SPRED1: variants seen among roughly 807,000 people sequenced by gnomAD.
SPRED1 encodes the protein sprouty related EVH1 domain containing 1.
Under a neutral mutation model 52.3 loss-of-function variants are expected in SPRED1, and 18 were observed. That is an observed-to-expected ratio of 0.34 (90% CI 0.24 to 0.51). The LOEUF is 0.51. SPRED1 is among the 20% of genes least tolerant of loss of function. The probability of loss-of-function intolerance (pLI) is 0.97; values close to 1 mark genes in which losing one functional copy is unlikely to be tolerated. For synonymous variants in SPRED1, 155 were observed against 179.7 expected (o/e 0.86, Z 1.10); for missense variants, 485 against 551.0 (o/e 0.88, Z 1.20).
chr15:38,333,877 T>C (rs1269105552), intron 4 of SPRED1, among the ~76,000 whole-genome samples: 1 of 152,098 alleles, frequency 6.6e-6, no homozygotes, highest in Non-Finnish European at 1.5e-5. Flanking sequence ...GATTAATAAA[T>C]TGTAGTGTTC....
At position 38,293,099 on chromosome 15, in the gene SPRED1, CTTT is replaced by C. The variant is rs66511254; in HGVS notation, c.33-6257_33-6255del. 3.3e-4 allele frequency among the ~76,000 whole-genome samples: 30 copies of C among 90,734 alleles called. 2 individuals carry two copies. Among genetic ancestry groups the C allele is most frequent in the Non-Finnish European group, 3.4e-4 (17 of 50,278 alleles). 59.5% of individuals were successfully genotyped at this position (90,734 alleles called of 152,430 possible). A position where few individuals can be genotyped will look rare whatever the true frequency, so the allele number is the denominator to read the frequency against. Reference sequence around the variant, plus strand: ...TTAAGTAATTTACCCAAGATTACAACTTTTTTTTTTTTTTTTTTTGAGACGGAG... The same window carrying C: ...TTAAGTAATTTACCCAAGATTACAACTTTTTTTTTTTTTTTTGAGACGGAG... On this transcript the variant is annotated intron_variant, in intron 1 of 6. Coordinates refer to ENST00000299084, the MANE Select transcript of SPRED1 (RefSeq NM_152594.3).
chr15:38,325,527 T>C (rs988664234), intron 4 of SPRED1, among the ~76,000 whole-genome samples: 9 of 152,022 alleles, frequency 5.9e-5, no homozygotes, highest in Non-Finnish European at 7.4e-5. Flanking sequence ...ACGCTGAAAA[T>C]TGGCACAAGT....
chr15:38,272,566 G>A (rs1037660693), intron 1 of SPRED1, among the ~76,000 whole-genome samples: 2 of 152,104 alleles, frequency 1.3e-5, no homozygotes, highest in East Asian at 1.9e-4. Context: ...CACTGTGCCC[G>A]ACCTCGAATG....
intron 1 of SPRED1, among the ~76,000 whole-genome samples, chr15:38,286,338 G>A (rs981910639): frequency 1.3e-5 from 2 of 150,400 alleles, no homozygotes; most frequent in African/African-American, 2.4e-5. Context: ...TTTTGTATGT[G>A]TGACAATTTC....
At chr15:38,311,727 G>A (rs183732154) in intron 2 of SPRED1, among the ~76,000 whole-genome samples, 41 of 152,192 alleles carry the variant, frequency 2.7e-4, no homozygotes, top group African/African-American at 8.4e-4. Context: ...TAGTACCTCA[G>A]TTATTCTTTT....
chr15:38,312,351 T>C (rs1595741143), intron 2 of SPRED1, among the ~76,000 whole-genome samples: 1 of 152,150 alleles, frequency 6.6e-6, no homozygotes, highest in Admixed American at 6.6e-5. Flanking sequence ...TCTGGCAGTT[T>C]AGAAATCTAG....
intron 5 of SPRED1, among the ~76,000 whole-genome samples, chr15:38,341,871 C>A (rs1324885725): frequency 6.6e-6 from 1 of 151,894 alleles, no homozygotes; most frequent in African/African-American, 2.4e-5. Context: ...TATGAGATAT[C>A]CTCTTTTATC....
At chr15:38,263,433 G>C (rs140567186) in intron 1 of SPRED1, among the ~76,000 whole-genome samples, 309 of 152,226 alleles carry the variant, frequency 2.0e-3, no homozygotes, top group African/African-American at 7.1e-3. Flanking sequence ...TTCCCATTGA[G>C]AATATTAAGT....
chr15:38,340,156 A>G (rs956997377), intron 5 of SPRED1, among the ~76,000 whole-genome samples: 1 of 152,238 alleles, frequency 6.6e-6, no homozygotes, highest in Non-Finnish European at 1.5e-5. Flanking sequence ...TTTACCCCTT[A>G]TCTCACAGGA....
chr15:38,316,748 G>GGTTTTTTTTTTTTT lies in SPRED1; in HGVS notation c.208-5493_208-5492insGTTTTTTTTTTTTT. ...TCTAGTTTACAATTTTCCATTATATGTTTTTTTTTTTTTTTTTTTTTTTTG... is the reference window on the plus strand; with the variant it reads ...TCTAGTTTACAATTTTCCATTATATGGTTTTTTTTTTTTTTTTTTTTTTTTTTTTTTTTTTTTTG... On this transcript the variant is annotated intron_variant, in intron 2 of 6. Coordinates refer to ENST00000299084, the MANE Select transcript of SPRED1 (RefSeq NM_152594.3). Among the ~76,000 whole-genome samples, 76 of 41,914 alleles carry GGTTTTTTTTTTTTT rather than the reference G, an allele frequency of 1.8e-3. 6 individuals are homozygous for GGTTTTTTTTTTTTT. Among genetic ancestry groups the GGTTTTTTTTTTTTT allele is most frequent in the East Asian group, 0.011 (7 of 654 alleles). The allele number at this position is 41,914 out of a possible 152,430, so 27.5% of individuals were successfully genotyped here. A position where few individuals can be genotyped will look rare whatever the true frequency, so the allele number is the denominator to read the frequency against.
At chr15:38,325,511 G>T (rs1450096956) in intron 4 of SPRED1, among the ~76,000 whole-genome samples, 3 of 151,958 alleles carry the variant, frequency 2.0e-5, no homozygotes, top group Non-Finnish European at 1.5e-5. Context: ...GGCAGAATGG[G>T]CAGGCACGCT....
intron 4 of SPRED1, among the ~76,000 whole-genome samples, chr15:38,338,200 A>G (rs1895960169): frequency 6.6e-6 from 1 of 151,420 alleles, no homozygotes. Context: ...GACAAGAACA[A>G]GACTCCATTT....
chr15:38,288,666 A>G (rs1203670465), intron 1 of SPRED1, among the ~76,000 whole-genome samples: 1 of 152,192 alleles, frequency 6.6e-6, no homozygotes, highest in African/African-American at 2.4e-5. Flanking sequence ...CTATCATTGC[A>G]ATATAGTGAG....
intron 4 of SPRED1, among the ~76,000 whole-genome samples, chr15:38,335,235 C>T (rs12904947): frequency 0.12 from 18,419 of 152,010 alleles, 1,932 homozygotes; most frequent in East Asian, 0.54. Context: ...TCCTCCCTGT[C>T]CTCTCCAGTA....
intron 3 of SPRED1, 81 bp from the exon 4 acceptor site, chr15:38,324,679 TATA>T: frequency 9.3e-7 from 1 of 1,073,634 alleles, no homozygotes; most frequent in South Asian, 1.4e-5. Context: ...TCTAAAGTAT[TATA>T]ATGACATAAT....
At chr15:38,310,982 A>G (rs1357369529) in intron 2 of SPRED1, among the ~76,000 whole-genome samples, 3 of 152,144 alleles carry the variant, frequency 2.0e-5, no homozygotes, top group Non-Finnish European at 4.4e-5. Flanking sequence ...CTCCAATTCT[A>G]TATGGAATAC....
At chr15:38,261,643 G>C (rs543837635) in intron 1 of SPRED1, among the ~76,000 whole-genome samples, 1 of 152,080 alleles carries the variant, frequency 6.6e-6, no homozygotes, top group South Asian at 2.1e-4. Flanking sequence ...GCGCCATCTC[G>C]GCTCACTGCA....
Position 38,351,142 on chromosome 15 carries a change from GGAAA to G in SPRED1, c.816_819del (p.Arg273MetfsTer29). The G allele has an allele frequency of 6.2e-7, 1 of 1,614,002 alleles. No individual in the cohort carries two copies. The highest frequency in any genetic ancestry group is 8.5e-7 in the Non-Finnish European group (1 of 1,179,974). On this transcript the variant is annotated frameshift_variant, in exon 7 of 7. Coordinates refer to ENST00000299084, the MANE Select transcript of SPRED1 (RefSeq NM_152594.3). LOFTEE classifies it high-confidence loss of function. ...ATCCTGACATGTGGAAAAATGACTT[GGAAA>G]GAGATGATGCTGATTCCAGTATTCA...
At position 38,260,483 on chromosome 15, in the gene SPRED1, A is replaced by G. The variant is rs1012838863; in HGVS notation, c.32+7266A>G. Among the ~76,000 whole-genome samples, 9 of 152,202 alleles carry G rather than the reference A, an allele frequency of 5.9e-5. No homozygotes were observed. The East Asian group carries it at 1.3e-3, about 23-fold the overall frequency. ...TTTTGGGGGAGACACAGTTCAACCC[A>G]TAACACCAATAGAAACTACGGATTT... On this transcript the variant is annotated intron_variant, in intron 1 of 6. Coordinates refer to ENST00000299084, the MANE Select transcript of SPRED1 (RefSeq NM_152594.3).
Sources: allele counts gnomAD v4.1 joint callset (sites outside exome capture counted in the v4.1 genomes callset), GRCh38; gene constraint gnomAD v4.1.1; transcripts MANE v1.5; gene names NCBI Gene and HGNC (gene_info 2026-07-23, HGNC 2026-07-21).